The following ACTR3C variants were observed in gnomAD, a reference collection of about 807,000 sequenced individuals.
ACTR3C encodes the protein actin related protein 3C.
A neutral mutation model predicts 26.3 loss-of-function variants in ACTR3C; 18 were observed. The ratio of observed to expected loss-of-function variants is 0.68; its 90% confidence interval spans 0.47 to 1.01. ACTR3C has a LOEUF of 1.01. Among genes scored for constraint, ACTR3C ranks in the 50% least tolerant of loss-of-function variants. The pLI is 0.00. For missense variants in ACTR3C, 184 were observed against 250.7 expected (o/e 0.73, Z 1.80); for synonymous variants, 55 against 94.5 (o/e 0.58, Z 2.42).
At chr7:150,123,885 C>T in the ACTR3C span, among the ~76,000 whole-genome samples, 1 of 152,144 alleles carries the variant, frequency 6.6e-6, no homozygotes, top group Admixed American at 6.5e-5. Context: ...CCCTGAGGTT[C>T]CAGGCCACGG....
At chr7:149,886,107 T>C in the ACTR3C span, among the ~76,000 whole-genome samples, 2 of 152,386 alleles carry the variant, frequency 1.3e-5, no homozygotes, top group South Asian at 4.1e-4. Flanking sequence ...GCTATTAATT[T>C]CATTATATTT....
the ACTR3C span, among the ~76,000 whole-genome samples, chr7:150,118,451 T>C: frequency 1.3e-5 from 2 of 150,438 alleles, no homozygotes; most frequent in Admixed American, 6.6e-5. Context: ...CAAGTATCAA[T>C]AGCTGAAGCA....
the ACTR3C span, among the ~76,000 whole-genome samples, chr7:149,953,156 A>G: frequency 1.0e-4 from 15 of 149,512 alleles, no homozygotes; most frequent in African/African-American, 3.8e-4. Context: ...AAACATGCTC[A>G]TCATTTATTT....
the ACTR3C span, among the ~76,000 whole-genome samples, chr7:150,075,641 C>G: frequency 1.3e-5 from 2 of 152,184 alleles, no homozygotes; most frequent in African/African-American, 4.8e-5. Flanking sequence ...CTTTTGGACA[C>G]TGGCAAGCCT....
the ACTR3C span, among the ~76,000 whole-genome samples, chr7:149,902,935 C>CAAAAAA: frequency 9.7e-5 from 1 of 10,344 alleles, no homozygotes; most frequent in African/African-American, 1.3e-4. Flanking sequence ...TACAGTGTCT[C>CAAAAAA]AAAAAAAAAA....
At chr7:150,206,343 G>A in the ACTR3C span, among the ~76,000 whole-genome samples, 2 of 152,200 alleles carry the variant, frequency 1.3e-5, no homozygotes, top group Non-Finnish European at 2.9e-5. Context: ...ACCTTGGTCT[G>A]TATCTAGGAG....
the ACTR3C span, among the ~76,000 whole-genome samples, chr7:149,967,400 G>C: frequency 2.0e-5 from 3 of 152,060 alleles, no homozygotes; most frequent in Admixed American, 1.3e-4. Flanking sequence ...TCAAACGCCT[G>C]GGCTGAAGCA....
intron 1 of ACTR3C, among the ~76,000 whole-genome samples, chr7:150,319,508 A>G (rs1262699156): frequency 6.6e-6 from 1 of 152,150 alleles, no homozygotes; most frequent in African/African-American, 2.4e-5. Context: ...CGCCTGGCCC[A>G]GAACAAACTT....
the ACTR3C span, among the ~76,000 whole-genome samples, chr7:149,987,014 TG>T: frequency 7.1e-6 from 1 of 140,422 alleles, no homozygotes; most frequent in Non-Finnish European, 1.5e-5. Flanking sequence ...CTAAAGACAC[TG>T]AGTACTGGAG....
At chr7:149,892,352 C>G in the ACTR3C span, 2 of 1,602,960 alleles carry the variant, frequency 1.2e-6, no homozygotes, top group Admixed American at 1.7e-5. Flanking sequence ...TCAACACTCT[C>G]CTTTGGGCTT....
the ACTR3C span, among the ~76,000 whole-genome samples, chr7:150,181,481 C>T: frequency 8.0e-4 from 121 of 150,660 alleles, 3 homozygotes; most frequent in Non-Finnish European, 1.1e-3. Context: ...CCCAGGTACT[C>T]GGGTGGCTGA....
the ACTR3C span, among the ~76,000 whole-genome samples, chr7:150,036,870 G>T: frequency 1.7e-4 from 22 of 126,318 alleles, 1 homozygote; most frequent in African/African-American, 6.3e-4. Flanking sequence ...GCCAGGGGGG[G>T]ATGAGGGTCT....
At chr7:150,239,538 CTCTATATATA>C (rs1283176490), downstream of ACTR3C, among the ~76,000 whole-genome samples, 2 of 104,260 alleles carry the variant, frequency 1.9e-5, no homozygotes, top group East Asian at 2.8e-4. Context: ...CTCTCTCTCT[CTCTATATATA>C]TATATATATA....
chr7:150,270,429 C>G (rs978997972), intron 6 of ACTR3C, among the ~76,000 whole-genome samples: 327 of 150,874 alleles, frequency 2.2e-3, no homozygotes, highest in African/African-American at 7.7e-3. Flanking sequence ...CCCATTCTGC[C>G]GAGAAGGACG....
the ACTR3C span, among the ~76,000 whole-genome samples, chr7:150,077,986 A>G: frequency 1.3e-5 from 2 of 152,198 alleles, no homozygotes. Flanking sequence ...TTCACGCTCC[A>G]CACATACACA....
chr7:150,191,012 C>G, the ACTR3C span, among the ~76,000 whole-genome samples: 1 of 152,298 alleles, frequency 6.6e-6, no homozygotes, highest in Non-Finnish European at 1.5e-5. Context: ...CCAGGTCCCT[C>G]CCACCACACT....
At chr7:149,982,078 T>G in the ACTR3C span, among the ~76,000 whole-genome samples, 4 of 152,310 alleles carry the variant, frequency 2.6e-5, no homozygotes, top group South Asian at 8.3e-4. Context: ...CAAAAAAGAC[T>G]GCAGAAGCCT....
the ACTR3C span, among the ~76,000 whole-genome samples, chr7:149,978,215 T>G: frequency 6.6e-6 from 1 of 152,246 alleles, no homozygotes; most frequent in Non-Finnish European, 1.5e-5. Context: ...GGCCAGGTCT[T>G]GGCTTCCTGG....
At chr7:149,926,309 T>C in the ACTR3C span, among the ~76,000 whole-genome samples, 1 of 152,250 alleles carries the variant, frequency 6.6e-6, no homozygotes, top group Non-Finnish European at 1.5e-5. Flanking sequence ...GACTGCTGTC[T>C]CTTAGAAAGT....
Sources: allele counts gnomAD v4.1 joint callset (sites outside exome capture counted in the v4.1 genomes callset), GRCh38; gene constraint gnomAD v4.1.1; transcripts MANE v1.5; gene names NCBI Gene and HGNC (gene_info 2026-07-23, HGNC 2026-07-21).